ZNF536: variants seen among roughly 807,000 people sequenced by gnomAD.
ZNF536 encodes the protein zinc finger protein 536.
Under a neutral mutation model 84.5 loss-of-function variants are expected in ZNF536, and 13 were observed. The observed-to-expected ratio is 0.15, with a 90% CI of 0.10 to 0.24. The LOEUF is 0.24. Among genes scored for constraint, ZNF536 ranks in the 10% least tolerant of loss-of-function variants. The pLI, the probability that ZNF536 is intolerant of heterozygous loss-of-function variation, is 1.00. For missense variants in ZNF536, 1,536 were observed against 1,747.5 expected (o/e 0.88, Z 2.16); for synonymous variants, 811 against 742.5 (o/e 1.09, Z -1.50).
intron 3 of ZNF536, among the ~76,000 whole-genome samples, chr19:30,366,349 C>G (rs988354664): frequency 2.0e-5 from 3 of 151,208 alleles, no homozygotes; most frequent in Admixed American, 2.0e-4. Context: ...TGTCTATTAT[C>G]TACCTATCAT....
intron 2 of ZNF536, among the ~76,000 whole-genome samples, chr19:30,476,193 C>T (rs1266397392): frequency 6.6e-6 from 1 of 152,140 alleles, no homozygotes; most frequent in South Asian, 2.1e-4. Context: ...ACCTTCTTCC[C>T]TCTGTGGCCC....
chr19:30,359,904 A>T (rs998558970), intron 3 of ZNF536, among the ~76,000 whole-genome samples: 4 of 152,194 alleles, frequency 2.6e-5, no homozygotes, highest in African/African-American at 9.6e-5. Context: ...TGGGACAGGC[A>T]GAAGGACAAG....
chr19:30,278,237 G>A (rs2045309941), intron 1 of ZNF536, among the ~76,000 whole-genome samples: 2 of 152,200 alleles, frequency 1.3e-5, no homozygotes, highest in Non-Finnish European at 2.9e-5. Flanking sequence ...AGGGACAAGA[G>A]CCTTTATCAT....
At chr19:30,351,851 C>G (rs775520664) in intron 2 of ZNF536, among the ~76,000 whole-genome samples, 34 of 152,316 alleles carry the variant, frequency 2.2e-4, no homozygotes, top group Non-Finnish European at 3.4e-4. Flanking sequence ...AGTGCTCGCA[C>G]ATGGACTTCA....
intron 1 of ZNF536, among the ~76,000 whole-genome samples, chr19:30,563,243 T>C (rs2046234815): frequency 6.6e-6 from 1 of 152,148 alleles, no homozygotes; most frequent in Non-Finnish European, 1.5e-5. Flanking sequence ...GGAAGGTCTC[T>C]TTCTGGATGG....
chr19:30,325,558 C>T lies in ZNF536; in HGVS notation c.-119-26810C>T, dbSNP rs549058339. 3.9e-5 allele frequency among the ~76,000 whole-genome samples: 6 copies of T among 152,310 alleles called. No individual in the cohort carries two copies. The East Asian group carries it at 5.8e-4, about 15-fold the overall frequency. ...GAGAGCTGTGAAAGGCTGAGGGCAGCGGAGAGGGCCCTTCCCTGAGGCTCA... is the reference window on the plus strand; with the variant it reads ...GAGAGCTGTGAAAGGCTGAGGGCAGTGGAGAGGGCCCTTCCCTGAGGCTCA... On this transcript the variant is annotated intron_variant, in intron 2 of 5. Coordinates refer to the ZNF536 transcript ENST00000585628.
At position 30,635,720 on chromosome 19, in the gene ZNF536, G is replaced by A. The variant is rs527964096; in HGVS notation, c.170-75037G>A. Among the ~76,000 whole-genome samples the A allele has an allele frequency of 7.9e-5, 12 of 152,370 alleles. No individual in the cohort carries two copies. In the East Asian group the frequency reaches 1.7e-3, roughly 22 times the overall value. On this transcript the variant is annotated intron_variant, in intron 1 of 1. Transcript: ENST00000592773. ...GCTGCCCTCCTTGTGGATGGCATCC[G>A]TTGGTGGCTGTGTAAAGAGGAGTTC...
At chr19:30,656,563 G>T (rs1256605800) in intron 1 of ZNF536, among the ~76,000 whole-genome samples, 1 of 152,166 alleles carries the variant, frequency 6.6e-6, no homozygotes, top group African/African-American at 2.4e-5. Flanking sequence ...GAGCAGTGAG[G>T]TTAGTTCCTC....
chr19:30,466,797 G>A (rs1384891920), intron 2 of ZNF536, among the ~76,000 whole-genome samples: 1 of 134,198 alleles, frequency 7.5e-6, no homozygotes, highest in African/African-American at 3.0e-5. Context: ...AGGAAGGAAG[G>A]AAGGAAGGAA....
At chr19:30,527,928 C>A (rs898354669) in intron 2 of ZNF536, among the ~76,000 whole-genome samples, 4 of 152,188 alleles carry the variant, frequency 2.6e-5, no homozygotes, top group African/African-American at 9.7e-5. Context: ...TGTTGTGCCA[C>A]TGAACTGCTT....
intron 2 of ZNF536, among the ~76,000 whole-genome samples, chr19:30,303,650 C>T (rs547865215): frequency 1.1e-4 from 16 of 152,072 alleles, no homozygotes; most frequent in Admixed American, 2.6e-4. Flanking sequence ...TTACAGGTGC[C>T]GGCCACCACG....
chr19:30,397,695 G>A (rs558461557), intron 1 of ZNF536, among the ~76,000 whole-genome samples: 1 of 152,294 alleles, frequency 6.6e-6, no homozygotes, highest in African/African-American at 2.4e-5. Context: ...ATTGGCGTCT[G>A]TTAATTTGAT....
rs554431878 is a variant in ZNF536, at chr19:30,289,763, C to T, written c.-120+5622C>T. Among the ~76,000 whole-genome samples, 15 of 152,304 alleles carry T rather than the reference C, an allele frequency of 9.8e-5. No homozygotes were observed. The South Asian group carries it at 1.5e-3, about 15-fold the overall frequency. On this transcript the variant is annotated intron_variant, in intron 2 of 5. Coordinates refer to the ZNF536 transcript ENST00000585628. ...GCTCATTTTTTAGGGGTGTTTGTTA[C>T]GTTGCTCTTATGCCTCTATGCCAAG...
chr19:30,410,019 G>GTC (rs1206576388), intron 1 of ZNF536, among the ~76,000 whole-genome samples: 1 of 151,414 alleles, frequency 6.6e-6, no homozygotes, highest in Non-Finnish European at 1.5e-5. Context: ...TTAACCCTTT[G>GTC]TCTTATACAC....
rs192936206 is a variant in ZNF536 at position 30,357,535 on chromosome 19, A to G, written c.-3+5051A>G. ...GCGGAGATGCTCCTAGGTGCCAGGA[A>G]TGAGTGGCTTGGATTGGCTCTTGGT... On this transcript the variant is annotated intron_variant, in intron 3 of 5. Transcript: ENST00000585628. 4.8e-3 allele frequency among the ~76,000 whole-genome samples: 732 copies of G among 152,246 alleles called. 21 individuals are homozygous for G. Among genetic ancestry groups the G allele is most frequent in the Admixed American group, 0.044 (677 of 15,298 alleles).
intron 2 of ZNF536, among the ~76,000 whole-genome samples, chr19:30,326,933 C>T (rs2047059464): frequency 6.7e-6 from 1 of 150,186 alleles, no homozygotes; most frequent in Admixed American, 6.7e-5. Context: ...CATAGGGAGA[C>T]ACCATCTCTA....
chr19:30,497,651 G>C (rs1443795967), intron 2 of ZNF536, among the ~76,000 whole-genome samples: 1 of 152,176 alleles, frequency 6.6e-6, no homozygotes, highest in African/African-American at 2.4e-5. Flanking sequence ...GGGTGCCCCA[G>C]GGAAGTCCCC....
chr19:30,304,048 G>A (rs76275814), intron 2 of ZNF536, among the ~76,000 whole-genome samples: 4,810 of 152,236 alleles, frequency 0.032, 282 homozygotes, highest in Admixed American at 0.15. Flanking sequence ...ATGGAGCAGC[G>A]TGGGGGAGTC....
At chr19:30,435,764 C>A (rs1240167733) in intron 1 of ZNF536, among the ~76,000 whole-genome samples, 4 of 152,086 alleles carry the variant, frequency 2.6e-5, no homozygotes, top group Non-Finnish European at 5.9e-5. Flanking sequence ...GGGATCCAGA[C>A]CAGAAGTCTT....
Sources: gnomAD v4.1 joint callset for allele counts (sites outside exome capture counted in the v4.1 genomes callset) on GRCh38, gnomAD v4.1.1 for gene constraint, MANE v1.5 for transcripts, NCBI Gene and HGNC (gene_info 2026-07-23, HGNC 2026-07-21) for gene names.